Variants in CRAMP1 observed in about 807,000 individuals in gnomAD.
The protein encoded by CRAMP1 is protein cramped-like.
CRAMP1 carries 50 observed loss-of-function variants against 115.4 expected under a neutral mutation model. The ratio of observed to expected loss-of-function variants is 0.43; its 90% CI spans 0.35 to 0.55. CRAMP1 has a LOEUF of 0.55. Ranked by LOEUF, CRAMP1 falls within the 20% of genes least tolerant of loss-of-function variation. CRAMP1 has a pLI of 0.01. For synonymous variants in CRAMP1, 866 were observed against 745.4 expected (o/e 1.16, Z -2.64); for missense variants, 1,679 against 1,721.7 (o/e 0.98, Z 0.44).
intron 10 of CRAMP1, 143 bp downstream of exon 10, chr16:1,657,135 C>T: frequency 1.3e-6 from 1 of 744,846 alleles, no homozygotes; most frequent in Non-Finnish European, 2.1e-6. Flanking sequence ...GGCCAGGAGC[C>T]TTCAGGACCT....
rs1222038901 is a variant in CRAMP1, at chr16:1,677,891, A to G, written c.*3846A>G. 6.0e-6 allele frequency: 1 copy of G among 166,220 alleles called. No homozygotes were observed. Among genetic ancestry groups the G allele is most frequent in the African/African-American group, 2.4e-5 (1 of 42,022 alleles). 10.3% of individuals were successfully genotyped at this position (166,220 alleles called of 1,614,324 possible). ...AAATGTTTTTATTGTGCATAAATAC[A>G]TACTAATGTTGATCTAAGGACTGTC... is the stretch of plus-strand genomic sequence containing the variant. On this transcript the variant is annotated 3_prime_UTR_variant, in exon 21 of 21. Transcript: ENST00000397412.
intron 2 of CRAMP1, among the ~76,000 whole-genome samples, chr16:1,615,713 G>A (rs1037605359): frequency 2.6e-5 from 4 of 152,232 alleles, no homozygotes; most frequent in African/African-American, 9.6e-5. Context: ...ATGTGCCAGT[G>A]CTTCATTGTT....
chr16:1,626,342 T>A (rs887498050), intron 3 of CRAMP1, among the ~76,000 whole-genome samples, 176 bp downstream of exon 3: 3 of 152,256 alleles, frequency 2.0e-5, no homozygotes, highest in Non-Finnish European at 1.5e-5. Flanking sequence ...TTGGCTGTTT[T>A]ATCTCCTCAT....
intron 2 of CRAMP1, among the ~76,000 whole-genome samples, chr16:1,620,008 G>C (rs866535039): frequency 6.6e-6 from 1 of 152,188 alleles, no homozygotes; most frequent in East Asian, 1.9e-4. Context: ...ACACCACTGC[G>C]TGTGCATGAC....
In CRAMP1 at chr16:1,677,136, T is replaced by A. The variant is rs1189241091; in HGVS notation, c.*3091T>A. The A allele has an allele frequency of 2.0e-5, 3 of 152,602 alleles. No individual in the cohort carries two copies. The highest frequency in any genetic ancestry group is 7.2e-5 in the African/African-American group (3 of 41,434). The allele number at this position is 152,602 out of a possible 1,614,324, so 9.5% of individuals were successfully genotyped here. A position where few individuals can be genotyped will look rare whatever the true frequency, so the allele number is the denominator to read the frequency against. ...ATGCATTTGTCAGGAAATACAGCAC[T>A]TTGTCTTAAGAAAACAAGGAAGGAG... On this transcript the variant is annotated 3_prime_UTR_variant, in exon 21 of 21. Transcript: ENST00000397412.
At chr16:1,670,934 C>A in intron 20 of CRAMP1, 125 bp downstream of exon 20, 2 of 833,964 alleles carry the variant, frequency 2.4e-6, no homozygotes, top group Non-Finnish European at 3.7e-6. Flanking sequence ...CAGGAGACAG[C>A]ACGTCCACAC....
chr16:1,640,049 C>T (rs760271258), intron 5 of CRAMP1, among the ~76,000 whole-genome samples: 5 of 152,148 alleles, frequency 3.3e-5, no homozygotes, highest in African/African-American at 7.2e-5. Flanking sequence ...GGCCGGTTTC[C>T]GCAACCGGTT....
At chr16:1,657,508 G>A (rs1213751749) in intron 10 of CRAMP1, among the ~76,000 whole-genome samples, 2 of 152,238 alleles carry the variant, frequency 1.3e-5, no homozygotes, top group South Asian at 2.1e-4. Flanking sequence ...CAGAGGGAAC[G>A]ATGGGTGTAG....
chr16:1,654,662 A>G (rs936081608), intron 8 of CRAMP1, among the ~76,000 whole-genome samples: 1 of 149,016 alleles, frequency 6.7e-6, no homozygotes, highest in Non-Finnish European at 1.5e-5. Flanking sequence ...CTCCATTCTC[A>G]CCCTCCCACG....
At chr16:1,632,727 GCAGGCAC>G (rs2142178681) in intron 4 of CRAMP1, among the ~76,000 whole-genome samples, 1 of 152,354 alleles carries the variant, frequency 6.6e-6, no homozygotes, top group East Asian at 1.9e-4. Flanking sequence ...GGCTTGGGCC[GCAGGCAC>G]CGTGCCTGGC....
In CRAMP1 at chr16:1,614,275, G is replaced by T. The variant is rs1329368245; in HGVS notation, c.-1-364G>T. Among the ~76,000 whole-genome samples the T allele has an allele frequency of 1.4e-5, 2 of 146,530 alleles. No homozygotes were observed. The highest frequency in any genetic ancestry group is 3.0e-5 in the Non-Finnish European group (2 of 65,744). On this transcript the variant is annotated intron_variant, in intron 1 of 20. Coordinates refer to ENST00000397412, the MANE Select transcript of CRAMP1 (RefSeq NM_020825.4). This position sits in a 1 kb window ranked among gnomAD's most constrained non-coding sequence, Gnocchi z 4.4. ...GGCAGCGGCCCGGACCCGCAACCGT[G>T]CCCAGACCCGCGCCCGCGCCGGGGC...
chr16:1,637,588 C>T (rs1245781512), intron 4 of CRAMP1, among the ~76,000 whole-genome samples: 1 of 152,224 alleles, frequency 6.6e-6, no homozygotes, highest in Admixed American at 6.5e-5. Context: ...TTTCCTCTGC[C>T]TATTGGGGTA....
In CRAMP1 at chr16:1,659,768, C is replaced by T. The variant is rs765552440; in HGVS notation, c.2236-118C>T. ...GGGCGTCTCTGGCCCTGGCCTTTGC[C>T]GTCATGACACTGTGCTTTCTGAGCT... On this transcript the variant is annotated intron_variant, in intron 10 of 20. Coordinates refer to ENST00000397412, the MANE Select transcript of CRAMP1 (RefSeq NM_020825.4). 7.3e-4 allele frequency: 721 copies of T among 991,406 alleles called. 1 individual carries two copies. Among genetic ancestry groups the T allele is most frequent in the Non-Finnish European group, 6.6e-4 (430 of 647,216 alleles). The allele number at this position is 991,406 out of a possible 1,614,324, so 61.4% of individuals were successfully genotyped here.
At chr16:1,630,120 C>G (rs1218912330) in intron 3 of CRAMP1, among the ~76,000 whole-genome samples, 1 of 152,162 alleles carries the variant, frequency 6.6e-6, no homozygotes, top group African/African-American at 2.4e-5. Context: ...CCCTTACCCC[C>G]CATCAGCATG....
At chr16:1,617,240 G>A (rs1359316282) in intron 2 of CRAMP1, among the ~76,000 whole-genome samples, 2 of 152,172 alleles carry the variant, frequency 1.3e-5, no homozygotes, top group African/African-American at 4.8e-5. Flanking sequence ...TGTCTGCCTT[G>A]GAGCTTCCCG....
At chr16:1,646,829 G>C (rs1334493331) in intron 6 of CRAMP1, among the ~76,000 whole-genome samples, 2 of 152,172 alleles carry the variant, frequency 1.3e-5, no homozygotes, top group Non-Finnish European at 2.9e-5. Context: ...ATTAACTTTT[G>C]TGTACCATGT....
chr16:1,614,171 G>A lies in CRAMP1; in HGVS notation c.-1-468G>A, dbSNP rs2036393888. ...GGCTGGGGCTGCGGCCCGGCCGGCC[G>A]AGGCGGCGCAGGGAGCGAGGCCGGC... On this transcript the variant is annotated intron_variant, in intron 1 of 20. Transcript: ENST00000397412. The surrounding 1 kb of genome is among the most constrained non-coding windows in gnomAD (Gnocchi z 4.4). Among the ~76,000 whole-genome samples, 3 of 148,650 alleles carry A rather than the reference G, an allele frequency of 2.0e-5. No homozygotes were observed. The South Asian group carries it at 6.3e-4, about 31-fold the overall frequency.
At position 1,656,209 on chromosome 16, in the gene CRAMP1, G is replaced by A. The variant is rs745937828; in HGVS notation, c.1452G>A (p.Gln484=). Residue 484 remains glutamine (Q), a synonymous_variant, in exon 10 of 21, where the codon CAG becomes CAA. Coordinates refer to ENST00000397412, the MANE Select transcript of CRAMP1 (RefSeq NM_020825.4). This position sits in a 1 kb window ranked among gnomAD's most constrained non-coding sequence, Gnocchi z 5.6. ...GRPPPAADAL[Q]SSGESSPESA... ...CCCCTCCTGCGGCTGACGCCTTGCA[G>A]AGCTCCGGAGAGAGTTCCCCCGAAA... The A allele has an allele frequency of 1.7e-5, 27 of 1,603,610 alleles. No individual in the cohort carries two copies. The highest frequency in any genetic ancestry group is 2.2e-5 in the Non-Finnish European group (26 of 1,176,130).
intron 10 of CRAMP1, among the ~76,000 whole-genome samples, chr16:1,659,523 G>C (rs1450760726): frequency 1.3e-5 from 2 of 151,982 alleles, no homozygotes; most frequent in Admixed American, 1.3e-4. Flanking sequence ...GAGTAGCTGA[G>C]ACTACGGGCG....
Sources: gnomAD v4.1 joint callset for allele counts (sites outside exome capture counted in the v4.1 genomes callset) on GRCh38, gnomAD v4.1.1 for gene constraint, Gnocchi (gnomAD v3.1) non-coding constraint, MANE v1.5 for transcripts, NCBI Gene and HGNC (gene_info 2026-07-23, HGNC 2026-07-21) for gene names.